Variants in DMXL1 observed in about 807,000 individuals in gnomAD.
DMXL1 encodes dmX-like protein 1.
DMXL1 carries 99 observed loss-of-function variants against 319.2 expected under a neutral mutation model. The observed-to-expected ratio is 0.31, with a 90% CI of 0.26 to 0.37. The LOEUF (loss-of-function observed/expected upper bound fraction) is 0.37, where lower values mean the gene tolerates loss of function less well. Among genes scored for constraint, DMXL1 ranks in the 10% least tolerant of loss-of-function variants. The probability of loss-of-function intolerance (pLI) is 1.00; values close to 1 mark genes in which losing one functional copy is unlikely to be tolerated. For missense variants in DMXL1, 3,745 were observed against 3,595.6 expected (o/e 1.04, Z -1.06); for synonymous variants, 1,385 against 1,235.2 (o/e 1.12, Z -2.54).
At chr5:119,110,566 G>C (rs1254636622) in intron 5 of DMXL1, among the ~76,000 whole-genome samples, 1 of 152,148 alleles carries the variant, frequency 6.6e-6, no homozygotes, top group Non-Finnish European at 1.5e-5. Context: ...TGACTTTCAT[G>C]CTTTTGAATG....
At chr5:119,235,915 G>A (rs1216880118) in intron 39 of DMXL1, among the ~76,000 whole-genome samples, 1 of 152,024 alleles carries the variant, frequency 6.6e-6, no homozygotes, top group Admixed American at 6.6e-5. Context: ...CACATTCCAT[G>A]TGTATACCCT....
intron 35 of DMXL1, among the ~76,000 whole-genome samples, chr5:119,217,874 A>T (rs1783960027): frequency 6.6e-6 from 1 of 151,986 alleles, no homozygotes; most frequent in African/African-American, 2.4e-5. Context: ...ATTCTTCTGG[A>T]CAGTATCTTT....
intron 1 of DMXL1, among the ~76,000 whole-genome samples, chr5:119,078,551 A>G (rs986338545): frequency 1.3e-5 from 2 of 152,154 alleles, no homozygotes; most frequent in Admixed American, 6.5e-5. Flanking sequence ...CCTAGGCTCA[A>G]TCAGTCTTCC....
At chr5:119,174,473 C>A (rs1775392810) in intron 25 of DMXL1, among the ~76,000 whole-genome samples, 1 of 152,162 alleles carries the variant, frequency 6.6e-6, no homozygotes, top group Non-Finnish European at 1.5e-5. Flanking sequence ...TTGTCATCTT[C>A]AATTATATAA....
chr5:119,088,608 G>C lies in DMXL1; in HGVS notation c.88-9371G>C, dbSNP rs148231166. Among the ~76,000 whole-genome samples the C allele has an allele frequency of 1.5e-3, 224 of 152,148 alleles. 1 individual carries two copies. The highest frequency in any genetic ancestry group is 0.012 in the Admixed American group (185 of 15,278). On this transcript the variant is annotated intron_variant, in intron 1 of 43. Coordinates refer to ENST00000539542, the MANE Select transcript of DMXL1 (RefSeq NM_001290321.3). ...CCTTTGTGGTTAAATGCTCTTCTCT[G>C]TTAGTGTGTTTTACTTTGTTACTGT... is the stretch of plus-strand genomic sequence containing the variant.
In DMXL1 at chr5:119,129,278, T is replaced by A; in HGVS notation, c.1170T>A (p.Phe390Leu). Residue 390 changes from phenylalanine (F) to leucine (L), a missense_variant, in exon 10 of 44, where the codon TTT becomes TTA. Phe to Leu is a conservative substitution (Grantham distance 22). Transcript: ENST00000539542. ...LNENEEKTGPFVVHWLNNKEL... is the reference protein window; with the variant it reads ...LNENEEKTGPLVVHWLNNKEL... ...AAAATGAAGAGAAGACCGGACCTTTTGTTGTACACTGGCTAAACAATAAAG... is the reference window on the plus strand; with the variant it reads ...AAAATGAAGAGAAGACCGGACCTTTAGTTGTACACTGGCTAAACAATAAAG... 6.2e-7 allele frequency: 1 copy of A among 1,613,834 alleles called. No individual in the cohort carries two copies. The highest frequency in any genetic ancestry group is 8.5e-7 in the Non-Finnish European group (1 of 1,179,872).
chr5:119,103,827 T>G (rs1757781378), intron 3 of DMXL1, among the ~76,000 whole-genome samples: 1 of 152,226 alleles, frequency 6.6e-6, no homozygotes, highest in Non-Finnish European at 1.5e-5. Context: ...TATGTTATGT[T>G]AAAATGCCTT....
At chr5:119,220,747 T>C (rs1434612489) in intron 36 of DMXL1, among the ~76,000 whole-genome samples, 154 bp downstream of exon 36, 1 of 152,134 alleles carries the variant, frequency 6.6e-6, no homozygotes, top group East Asian at 1.9e-4. Context: ...GAGCTTTAAA[T>C]AAGGGAACTG....
chr5:119,117,588 T>C (rs1306111455), intron 7 of DMXL1, among the ~76,000 whole-genome samples: 2 of 148,852 alleles, frequency 1.3e-5, no homozygotes, highest in Non-Finnish European at 3.0e-5. Flanking sequence ...AAGGGAGAGG[T>C]AGGGGACAGA....
At chr5:119,191,156 T>C (rs991198934) in intron 29 of DMXL1, among the ~76,000 whole-genome samples, 3 of 152,216 alleles carry the variant, frequency 2.0e-5, no homozygotes, top group Non-Finnish European at 2.9e-5. Flanking sequence ...CATTGATTAT[T>C]ATTGCTCTGT....
Position 119,175,431 on chromosome 5 carries a change from C to G in DMXL1, c.6758+94C>G, listed in dbSNP as rs2150299222. ...GTGGTTTAGAACTATATATAACAGTCTTTTAAATAATGCAAAAAGCATATG... is the reference window on the plus strand; with the variant it reads ...GTGGTTTAGAACTATATATAACAGTGTTTTAAATAATGCAAAAAGCATATG... On this transcript the variant is annotated intron_variant, in intron 26 of 43. Transcript: ENST00000539542. 5 of 852,058 alleles carry G rather than the reference C, an allele frequency of 5.9e-6. No homozygotes were observed. In the East Asian group the frequency reaches 1.4e-4, roughly 24 times the overall value. The allele number at this position is 852,058 out of a possible 1,614,324, so 52.8% of individuals were successfully genotyped here. A position where few individuals can be genotyped will look rare whatever the true frequency, so the allele number is the denominator to read the frequency against.
intron 39 of DMXL1, chr5:119,236,653 T>A (rs1787811655): frequency 6.6e-6 from 1 of 152,000 alleles, no homozygotes; most frequent in Admixed American, 6.6e-5. Flanking sequence ...AGGAAGCACA[T>A]CAAATTGTTA....
chr5:119,227,584 A>G (rs139556875), intron 38 of DMXL1, among the ~76,000 whole-genome samples: 13 of 151,958 alleles, frequency 8.6e-5, no homozygotes, highest in Non-Finnish European at 1.6e-4. Context: ...AAGGGACTAT[A>G]TATGTACAGT....
chr5:119,139,158 C>T (rs1247953107), intron 13 of DMXL1, among the ~76,000 whole-genome samples: 1 of 152,044 alleles, frequency 6.6e-6, no homozygotes, highest in African/African-American at 2.4e-5. Context: ...GGAAAGATCA[C>T]TACCACCTAA....
intron 23 of DMXL1, among the ~76,000 whole-genome samples, chr5:119,169,152 A>G (rs1774042915): frequency 6.6e-6 from 1 of 152,192 alleles, no homozygotes; most frequent in Non-Finnish European, 1.5e-5. Context: ...TGCTGGGATT[A>G]CAGGCATGAG....
In DMXL1 at chr5:119,220,562, G is replaced by C. The variant is rs774524670; in HGVS notation, c.8104G>C (p.Val2702Leu). ...TCTGGCCACACAGGTCTACACTTGG[G>C]TAGATGATGATATAGAAGTGGAAAC... Reference protein sequence around the residue: ...GILATQVYTWVDDDIEVETKG... With the variant: ...GILATQVYTWLDDDIEVETKG... The change falls in exon 36 of 44, where the codon GTA (valine) becomes CTA (leucine). Residue 2702 changes from valine to leucine, a missense_variant. Physicochemically the swap from Val to Leu is conservative, Grantham distance 32. This residue lies in a region of DMXL1 where 1,382 missense variants were observed against 1,269.5 expected (regional missense o/e 1.09). Coordinates refer to ENST00000539542, the MANE Select transcript of DMXL1 (RefSeq NM_001290321.3). The C allele has an allele frequency of 1.9e-6, 3 of 1,613,870 alleles. No homozygotes were observed. The African/African-American group carries it at 4.0e-5, about 22-fold the overall frequency.
intron 3 of DMXL1, among the ~76,000 whole-genome samples, chr5:119,104,800 C>G (rs1757977878): frequency 1.3e-5 from 2 of 152,070 alleles, no homozygotes; most frequent in African/African-American, 2.4e-5. Flanking sequence ...TTCCCACATA[C>G]TATTATGATC....
chr5:119,109,439 C>A (rs1451611471), intron 4 of DMXL1, among the ~76,000 whole-genome samples: 1 of 152,130 alleles, frequency 6.6e-6, no homozygotes, highest in East Asian at 1.9e-4. Context: ...TCCCCCACTG[C>A]CACTTGAAAA....
At chr5:119,243,366 G>A (rs1182745301) in intron 42 of DMXL1, among the ~76,000 whole-genome samples, 1 of 152,144 alleles carries the variant, frequency 6.6e-6, no homozygotes, top group African/African-American at 2.4e-5. Flanking sequence ...TACAAATGAT[G>A]AAACTGAGAC....
Sources: gnomAD v4.1 joint callset for allele counts (sites outside exome capture counted in the v4.1 genomes callset) on GRCh38, gnomAD v4.1.1 for gene constraint, gnomAD v4.1.1 regional missense constraint, MANE v1.5 for transcripts, NCBI Gene and HGNC (gene_info 2026-07-23, HGNC 2026-07-21) for gene names.